Variants in GULP1 observed in about 807,000 individuals in gnomAD.
The protein encoded by GULP1 is PTB domain-containing engulfment adapter protein 1.
In GULP1, 19 loss-of-function variants were observed where a neutral mutation model predicts 40.9. The ratio of observed to expected loss-of-function variants is 0.46; its 90% CI spans 0.32 to 0.68. GULP1 has a LOEUF of 0.68. Among genes scored for constraint, GULP1 ranks in the 30% least tolerant of loss-of-function variants. The probability of loss-of-function intolerance (pLI) is 0.03; values close to 1 mark genes in which losing one functional copy is unlikely to be tolerated. For missense variants in GULP1, 312 were observed against 362.2 expected (o/e 0.86, Z 1.12); for synonymous variants, 119 against 117.6 (o/e 1.01, Z -0.08).
chr2:188,595,723 T>C lies in GULP1; in HGVS notation c.*1712T>C, dbSNP rs946533747. 6 of 152,220 alleles carry C rather than the reference T, an allele frequency of 3.9e-5. No homozygotes were observed. The highest frequency in any genetic ancestry group is 1.2e-4 in the African/African-American group (5 of 41,410). The allele number at this position is 152,220 out of a possible 1,614,324, so 9.4% of individuals were successfully genotyped here. A position where few individuals can be genotyped will look rare whatever the true frequency, so the allele number is the denominator to read the frequency against. ...ACACAATGGAGTACTAAGATGGTAT[T>C]TGCACATTTAAGATATGTTACTTTA... On this transcript the variant is annotated 3_prime_UTR_variant, in exon 12 of 12. Transcript: ENST00000409830.
chr2:188,400,638 A>G (rs1487007064), intron 2 of GULP1, among the ~76,000 whole-genome samples: 2 of 152,224 alleles, frequency 1.3e-5, no homozygotes, highest in African/African-American at 2.4e-5. Context: ...TATTGGATAC[A>G]ATGTGGAGAC....
chr2:188,489,565 A>G (rs1469636308), intron 4 of GULP1, among the ~76,000 whole-genome samples: 1 of 152,036 alleles, frequency 6.6e-6, no homozygotes, highest in African/African-American at 2.4e-5. Flanking sequence ...TTTTAAAATT[A>G]AAGAATGAGC....
intron 2 of GULP1, among the ~76,000 whole-genome samples, chr2:188,475,161 A>G (rs1287594054): frequency 6.6e-6 from 1 of 152,110 alleles, no homozygotes; most frequent in Non-Finnish European, 1.5e-5. Flanking sequence ...CGTGTTTTAC[A>G]AAAAAAGTGT....
At chr2:188,554,326 C>T (rs1694220927) in intron 7 of GULP1, among the ~76,000 whole-genome samples, 1 of 151,796 alleles carries the variant, frequency 6.6e-6, no homozygotes, top group Non-Finnish European at 1.5e-5. Flanking sequence ...TACTGTGTCT[C>T]ACAGGTTTTA....
chr2:188,425,874 G>T (rs2056126735), intron 2 of GULP1, among the ~76,000 whole-genome samples: 1 of 152,110 alleles, frequency 6.6e-6, no homozygotes, highest in African/African-American at 2.4e-5. Flanking sequence ...AATTGGATAT[G>T]TATCTAGGAT....
At chr2:188,321,511 A>G (rs889328821) in intron 1 of GULP1, among the ~76,000 whole-genome samples, 2 of 152,182 alleles carry the variant, frequency 1.3e-5, no homozygotes, top group Non-Finnish European at 2.9e-5. Context: ...TATCTGTGGC[A>G]GTAAGTTTAG....
chr2:188,508,978 A>G (rs2064217469), intron 4 of GULP1, among the ~76,000 whole-genome samples: 1 of 152,060 alleles, frequency 6.6e-6, no homozygotes, highest in Non-Finnish European at 1.5e-5. Context: ...ATTAAAATTC[A>G]TAGACCTAGC....
At chr2:188,516,826 T>C (rs1429645006) in intron 4 of GULP1, among the ~76,000 whole-genome samples, 1 of 152,198 alleles carries the variant, frequency 6.6e-6, no homozygotes, top group Non-Finnish European at 1.5e-5. Flanking sequence ...TCGTATCTTA[T>C]TTTAAATATC....
intron 2 of GULP1, among the ~76,000 whole-genome samples, chr2:188,469,042 T>C (rs560919083): frequency 6.6e-6 from 1 of 152,212 alleles, no homozygotes; most frequent in South Asian, 2.1e-4. Context: ...CAGCCTGTTA[T>C]TAGGAGAGGA....
At chr2:188,399,819 A>G (rs1299765263) in intron 2 of GULP1, among the ~76,000 whole-genome samples, 1 of 151,672 alleles carries the variant, frequency 6.6e-6, no homozygotes, top group Non-Finnish European at 1.5e-5. Context: ...GGTATCTACT[A>G]TCTTGAAAAA....
At chr2:188,576,143 G>A (rs1347858153) in intron 9 of GULP1, among the ~76,000 whole-genome samples, 1 of 151,874 alleles carries the variant, frequency 6.6e-6, no homozygotes, top group East Asian at 1.9e-4. Flanking sequence ...TTTTGCCTAC[G>A]TTATTTCTGC....
At chr2:188,540,081 T>A (rs2153312139) in intron 6 of GULP1, among the ~76,000 whole-genome samples, 1 of 152,210 alleles carries the variant, frequency 6.6e-6, no homozygotes, top group Admixed American at 6.5e-5. Flanking sequence ...TGCTTCCATC[T>A]CCAATCTTAT....
At chr2:188,525,680 T>G (rs1243891788) in intron 5 of GULP1, among the ~76,000 whole-genome samples, 1 of 152,164 alleles carries the variant, frequency 6.6e-6, no homozygotes, top group Non-Finnish European at 1.5e-5. Flanking sequence ...TGGAACCCAG[T>G]TTTAGACTGA....
intron 1 of GULP1, among the ~76,000 whole-genome samples, chr2:188,318,118 A>G (rs2039402397): frequency 6.6e-6 from 1 of 152,182 alleles, no homozygotes; most frequent in African/African-American, 2.4e-5. Flanking sequence ...TGATATGTTA[A>G]TAAATGAGGA....
chr2:188,377,733 G>A (rs1412974199), intron 1 of GULP1, among the ~76,000 whole-genome samples: 1 of 152,128 alleles, frequency 6.6e-6, no homozygotes, highest in Non-Finnish European at 1.5e-5. Context: ...AGAAAAAATT[G>A]TGCAGAAAGC....
chr2:188,482,176 C>T (rs898240094), intron 3 of GULP1, among the ~76,000 whole-genome samples: 1 of 151,390 alleles, frequency 6.6e-6, no homozygotes, highest in Non-Finnish European at 1.5e-5. Flanking sequence ...TGCATTGTAC[C>T]CCATAAACAA....
At chr2:188,556,502 T>G (rs986976704) in intron 7 of GULP1, among the ~76,000 whole-genome samples, 1 of 152,196 alleles carries the variant, frequency 6.6e-6, no homozygotes, top group Non-Finnish European at 1.5e-5. Flanking sequence ...TGAGCTTCTT[T>G]CAAATCAGTA....
chr2:188,542,122 AC>A (rs1268557218), intron 7 of GULP1: 4 of 152,110 alleles, frequency 2.6e-5, no homozygotes, highest in Admixed American at 6.6e-5. Context: ...AAAAAAAAAA[AC>A]AACTTAAAAT....
At position 188,392,886 on chromosome 2, in the gene GULP1, G is replaced by A. The variant is rs117318414; in HGVS notation, c.-45+8997G>A. ...CAGATTGTTTAATTTCCATGTATTT[G>A]TATAATTTTGAGAGTTCCTTTTAAA... On this transcript the variant is annotated intron_variant, in intron 2 of 11. Transcript: ENST00000409830. 1.4e-3 allele frequency among the ~76,000 whole-genome samples: 211 copies of A among 152,022 alleles called. 2 individuals carry two copies. In the East Asian group the frequency reaches 0.033, roughly 24 times the overall value.
Sources: gnomAD v4.1 joint callset for allele counts (sites outside exome capture counted in the v4.1 genomes callset) on GRCh38, gnomAD v4.1.1 for gene constraint, MANE v1.5 for transcripts, NCBI Gene and HGNC (gene_info 2026-07-23, HGNC 2026-07-21) for gene names.